The following RNF212B variants were observed in gnomAD, a reference collection of about 807,000 sequenced individuals.
RNF212B encodes E3 ubiquitin-protein ligase RNF212B.
Under a neutral mutation model 55.5 loss-of-function variants are expected in RNF212B, and 52 were observed. The observed-to-expected ratio is 0.94, with a 90% CI of 0.75 to 1.18. The LOEUF (loss-of-function observed/expected upper bound fraction) is 1.18. Ranked by LOEUF, RNF212B falls within the 50% of genes most tolerant of loss-of-function variation. The probability of loss-of-function intolerance (pLI) is 0.00; values close to 1 mark genes in which losing one functional copy is unlikely to be tolerated. For synonymous variants in RNF212B, 99 were observed against 121.4 expected (o/e 0.82, Z 1.21); for missense variants, 289 against 350.4 (o/e 0.82, Z 1.40).
At chr14:23,242,194 A>G (rs992120245) in intron 2 of RNF212B, among the ~76,000 whole-genome samples, 1 of 110,894 alleles carries the variant, frequency 9.0e-6, no homozygotes, top group African/African-American at 3.3e-5. Flanking sequence ...TTTTCTCTGT[A>G]CCAATCTCAT....
At chr14:23,242,100 A>AT (rs1883631519) in intron 2 of RNF212B, among the ~76,000 whole-genome samples, 1 of 127,568 alleles carries the variant, frequency 7.8e-6, no homozygotes, top group Admixed American at 7.5e-5. Flanking sequence ...AAAAAAAAAA[A>AT]AAAAAAAGAA....
At chr14:23,186,398 A>G (rs1187032919) in intron 1 of RNF212B, among the ~76,000 whole-genome samples, 1 of 151,172 alleles carries the variant, frequency 6.6e-6, no homozygotes, top group Non-Finnish European at 1.5e-5. Context: ...GCCGGACTGC[A>G]GTGGTGCGAT....
chr14:23,221,740 A>G (rs1452187909), intron 2 of RNF212B, among the ~76,000 whole-genome samples: 2 of 152,234 alleles, frequency 1.3e-5, no homozygotes, highest in Non-Finnish European at 2.9e-5. Context: ...ATGTTAGGTC[A>G]CCAAACAAAT....
At position 23,257,075 on chromosome 14, in the gene RNF212B, C is replaced by T. The variant is rs531651236; in HGVS notation, c.229-1474C>T. On this transcript the variant is annotated intron_variant, in intron 4 of 14. Transcript: ENST00000430154. ...GGCTGAGGCAGGAGAATCGCTTGAA[C>T]GTGGGTGGCGGAGGTTGCAGTGAGC... Among the ~76,000 whole-genome samples the T allele has an allele frequency of 1.7e-4, 26 of 151,912 alleles. No homozygotes were observed. In the South Asian group the frequency reaches 4.0e-3, roughly 23 times the overall value.
intron 2 of RNF212B, among the ~76,000 whole-genome samples, chr14:23,229,410 A>C (rs1036708309): frequency 4.6e-5 from 7 of 151,700 alleles, no homozygotes; most frequent in African/African-American, 1.2e-4. Flanking sequence ...TAGGAATGGA[A>C]TTGCTGGGTC....
At chr14:23,201,281 T>C (rs1163894798) in intron 2 of RNF212B, among the ~76,000 whole-genome samples, 1 of 152,206 alleles carries the variant, frequency 6.6e-6, no homozygotes, top group Non-Finnish European at 1.5e-5. Context: ...TAAAACCATC[T>C]TCTAAAGAGA....
At position 23,202,455 on chromosome 14, in the gene RNF212B, C is replaced by T. The variant is rs370679986; in HGVS notation, c.-2+9054C>T. On this transcript the variant is annotated intron_variant, in intron 2 of 15. Coordinates refer to the RNF212B transcript ENST00000399910. ...CACCTCTTCCGTGATAGTCCCTGGG[C>T]CTTGAGGAGTTGAATAGCTTTAATT... Among the ~76,000 whole-genome samples the T allele has an allele frequency of 3.9e-5, 6 of 152,230 alleles. No homozygotes were observed. The East Asian group carries it at 1.2e-3, about 29-fold the overall frequency.
In RNF212B at chr14:23,269,939, G is replaced by A. The variant is rs760793014; in HGVS notation, c.751G>A (p.Val251Ile). 4 of 1,546,078 alleles carry A rather than the reference G, an allele frequency of 2.6e-6. No homozygotes were observed. The highest frequency in any genetic ancestry group is 3.3e-4 in the Middle Eastern group (2 of 5,986). The part of the protein sequence containing the change: ...SPNGHSGHTR[V>I]LTPNNFAQRE... Reference sequence around the variant, plus strand: ...AAATGGGCATTCAGGCCACACAAGAGTCCTCACCCCCAACAATTTTGGTAA... The same window carrying A: ...AAATGGGCATTCAGGCCACACAAGAATCCTCACCCCCAACAATTTTGGTAA... Residue 251 changes from valine to isoleucine, a missense_variant, in exon 13 of 15, where the codon GTC (valine) becomes ATC (isoleucine). By Grantham distance (29) the Val-to-Ile change is conservative (BLOSUM62 3). Coordinates refer to ENST00000430154, the MANE Select transcript of RNF212B (RefSeq NM_001282322.3).
chr14:23,232,441 G>T (rs1477360155), intron 2 of RNF212B, among the ~76,000 whole-genome samples: 1 of 112,420 alleles, frequency 8.9e-6, no homozygotes, highest in Non-Finnish European at 2.2e-5. Context: ...GAGCGCCTCC[G>T]CCCGGCAGCC....
At chr14:23,271,488 C>T (rs1480792273) in intron 14 of RNF212B, among the ~76,000 whole-genome samples, 1 of 122,746 alleles carries the variant, frequency 8.1e-6, no homozygotes, top group Non-Finnish European at 1.9e-5. Flanking sequence ...TCCAGTCTTG[C>T]CTTTTTTTGT....
In RNF212B at chr14:23,246,036, T is replaced by A. The variant is rs190313667; in HGVS notation, c.228+1640T>A. ...TGCTGTACTTTGTGCTAATAGTTGA[T>A]CAAGCTGACTGTTTTGAATTCTTTA... On this transcript the variant is annotated intron_variant, in intron 4 of 14. Transcript: ENST00000430154. Among the ~76,000 whole-genome samples the A allele has an allele frequency of 3.6e-4, 55 of 152,332 alleles. 1 individual carries two copies. In the East Asian group the frequency reaches 0.011, roughly 29 times the overall value.
At chr14:23,213,375 A>G (rs1880742392) in intron 2 of RNF212B, among the ~76,000 whole-genome samples, 1 of 152,148 alleles carries the variant, frequency 6.6e-6, no homozygotes, top group African/African-American at 2.4e-5. Flanking sequence ...ATAAATGAAG[A>G]GATATACTTT....
intron 2 of RNF212B, among the ~76,000 whole-genome samples, chr14:23,217,810 C>G (rs1234912794): frequency 6.6e-6 from 1 of 152,060 alleles, no homozygotes; most frequent in Non-Finnish European, 1.5e-5. Flanking sequence ...ATAACGAACT[C>G]ACCAGTTCTC....
chr14:23,212,661 A>G (rs1880644822), intron 2 of RNF212B, among the ~76,000 whole-genome samples: 1 of 151,942 alleles, frequency 6.6e-6, no homozygotes, highest in African/African-American at 2.4e-5. Context: ...GGCTCACTGC[A>G]AGCTCCGCCT....
At chr14:23,258,374 G>T in intron 4 of RNF212B, 175 bp from the exon 5 acceptor site, 9 of 325,168 alleles carry the variant, frequency 2.8e-5, no homozygotes, top group East Asian at 1.5e-4. Flanking sequence ...GAAGGCTAGT[G>T]TCCTGGAAAT....
intron 6 of RNF212B, 32 bp downstream of exon 6, chr14:23,259,976 TTC>T (rs1382725930): frequency 4.2e-6 from 5 of 1,181,350 alleles, no homozygotes; most frequent in Non-Finnish European, 5.9e-6. Flanking sequence ...TATTATTATT[TTC>T]TCTCTTACTT....
chr14:23,194,917 G>A (rs1211510300), intron 2 of RNF212B, among the ~76,000 whole-genome samples: 2 of 151,928 alleles, frequency 1.3e-5, no homozygotes, highest in Admixed American at 6.6e-5. Context: ...AAAACATTTC[G>A]ATTTACTGGG....
chr14:23,216,879 C>CGAAAAA (rs1881126724), intron 2 of RNF212B, among the ~76,000 whole-genome samples: 3 of 48,758 alleles, frequency 6.2e-5, no homozygotes, highest in Admixed American at 3.8e-4. Context: ...GACCCTGTCT[C>CGAAAAA]AAAAAAAAAA....
At chr14:23,214,651 T>C (rs1880895498) in intron 2 of RNF212B, among the ~76,000 whole-genome samples, 1 of 124,412 alleles carries the variant, frequency 8.0e-6, no homozygotes, top group Admixed American at 8.3e-5. Flanking sequence ...CATAGGAAAG[T>C]CAGTGAACTT....
Sources: gnomAD v4.1 joint callset for allele counts (sites outside exome capture counted in the v4.1 genomes callset) on GRCh38, gnomAD v4.1.1 for gene constraint, MANE v1.5 for transcripts, NCBI Gene and HGNC (gene_info 2026-07-23, HGNC 2026-07-21) for gene names.